Variants in PCDH12 observed in about 807,000 individuals in gnomAD.
PCDH12 encodes the protein protocadherin 12.
PCDH12 carries 45 observed loss-of-function variants against 70.9 expected under a neutral mutation model. That is an observed-to-expected ratio of 0.63 (90% confidence interval 0.50 to 0.81). The LOEUF is 0.81. Among genes scored for constraint, PCDH12 ranks in the 40% least tolerant of loss-of-function variants. The pLI, the probability that PCDH12 is intolerant of heterozygous loss-of-function variation, is 0.00. For missense variants in PCDH12, 1,370 were observed against 1,491.7 expected (o/e 0.92, Z 1.34); for synonymous variants, 567 against 626.0 (o/e 0.91, Z 1.41).
At position 141,956,220 on chromosome 5, in the gene PCDH12, C is replaced by T; in HGVS notation, c.1632G>A (p.Met544Ile). Residue 544 changes from methionine to isoleucine, a missense_variant, in exon 1 of 4, where the codon ATG becomes ATA. By Grantham distance (10) the Met-to-Ile change is conservative. Transcript: ENST00000231484. ...CCCACACAGAGACACTGGATGCAAGCATGGGTTGCCCGCTGTCCTCTGCGA... is the reference window on the plus strand; with the variant it reads ...CCCACACAGAGACACTGGATGCAAGTATGGGTTGCCCGCTGTCCTCTGCGA... ...QVIAEDSGQP[M>I]LASSVSVWVS... is the part of the protein sequence containing the mutation. The T allele has an allele frequency of 6.2e-7, 1 of 1,614,224 alleles. No individual in the cohort carries two copies. Among genetic ancestry groups the T allele is most frequent in the Non-Finnish European group, 8.5e-7 (1 of 1,180,034 alleles).
intron 1 of PCDH12, among the ~76,000 whole-genome samples, chr5:141,954,426 T>C (rs981569757): frequency 1.3e-5 from 2 of 152,246 alleles, no homozygotes; most frequent in Non-Finnish European, 2.9e-5. Flanking sequence ...TGCTGAGTAC[T>C]GACTACATGT....
rs1402285198 is a variant in PCDH12, at chr5:141,945,329, C to G, written c.*52G>C. On this transcript the variant is annotated 3_prime_UTR_variant, in exon 4 of 4. Coordinates refer to ENST00000231484, the MANE Select transcript of PCDH12 (RefSeq NM_016580.4). ...CAAGATTTTAGAAACCAGCTCTTGT[C>G]CACAGATCCTCAGGCCCCTGGTTCT... 6.5e-7 allele frequency: 1 copy of G among 1,543,862 alleles called. No homozygotes were observed. Among genetic ancestry groups the G allele is most frequent in the Non-Finnish European group, 8.7e-7 (1 of 1,147,810 alleles).
rs114449118 is a variant in PCDH12, at chr5:141,956,117, C to T, written c.1735G>A (p.Val579Met). 4.4e-3 allele frequency: 7,132 copies of T among 1,614,184 alleles called. 27 individuals carry two copies. The highest frequency in any genetic ancestry group is 5.1e-3 in the Non-Finnish European group (5,987 of 1,180,038). Residue 579 changes from valine to methionine, a missense_variant, in exon 1 of 4, where the codon GTG becomes ATG. By Grantham distance (21) the Val-to-Met change is conservative. Coordinates refer to ENST00000231484, the MANE Select transcript of PCDH12 (RefSeq NM_016580.4). ...VLSDGKASLSVLVNASTGHLL... is the reference protein window; with the variant it reads ...VLSDGKASLSMLVNASTGHLL... ...TGGCCTGTGGAGGCATTCACAAGCACGGAGAGGCTGGCTTTTCCATCGCTG... is the reference window on the plus strand; with the variant it reads ...TGGCCTGTGGAGGCATTCACAAGCATGGAGAGGCTGGCTTTTCCATCGCTG...
At chr5:141,954,908 T>C (rs546412869) in intron 1 of PCDH12, 64 bp downstream of exon 1, 1 of 1,538,356 alleles carries the variant, frequency 6.5e-7, no homozygotes. Flanking sequence ...GTTATGGGGG[T>C]GTCTGATTCT....
intron 1 of PCDH12, among the ~76,000 whole-genome samples, chr5:141,953,531 G>A (rs1223423274): frequency 1.3e-5 from 2 of 152,222 alleles, no homozygotes; most frequent in Non-Finnish European, 2.9e-5. Context: ...GACTCTATGT[G>A]CTGCTGGAAA....
At chr5:141,945,857 G>T (rs1266574384) in intron 3 of PCDH12, 52 bp from the exon 4 acceptor site, 3 of 1,551,452 alleles carry the variant, frequency 1.9e-6, no homozygotes, top group Admixed American at 1.7e-5. Flanking sequence ...GAAGGGCCAG[G>T]CGGGTGAGGG....
In PCDH12 at chr5:141,955,348, G is replaced by C; in HGVS notation, c.2504C>G (p.Pro835Arg). ...TLRNQGNQGAPAESREVLQDT... is the reference protein window; with the variant it reads ...TLRNQGNQGARAESREVLQDT... ...TTGCAGCACCTCTCGGCTCTCCGCC[G>C]GTGCTCCCTGGTTGCCTTGATTACG... Residue 835 changes from proline (P) to arginine (R), a missense_variant, in exon 1 of 4, where the codon CCG becomes CGG. Coordinates refer to ENST00000231484, the MANE Select transcript of PCDH12 (RefSeq NM_016580.4). The surrounding 1 kb of genome is among the most constrained non-coding windows in gnomAD (Gnocchi z 5.5). The C allele has an allele frequency of 1.2e-6, 2 of 1,614,132 alleles. No homozygotes were observed. Among genetic ancestry groups the C allele is most frequent in the Non-Finnish European group, 1.7e-6 (2 of 1,180,032 alleles).
intron 3 of PCDH12, among the ~76,000 whole-genome samples, chr5:141,948,963 C>T (rs1176411354): frequency 6.6e-6 from 1 of 151,744 alleles, no homozygotes; most frequent in African/African-American, 2.4e-5. Context: ...CCTCTAATGC[C>T]AGCACTTTGG....
Position 141,957,699 on chromosome 5 carries a change from C to T in PCDH12, c.153G>A (p.Gln51=). 6.2e-7 allele frequency: 1 copy of T among 1,614,176 alleles called. No homozygotes were observed. Among genetic ancestry groups the T allele is most frequent in the Admixed American group, 1.7e-5 (1 of 60,036 alleles). The change falls in exon 1 of 4, where the codon CAG becomes CAA. Residue 51 remains glutamine, a synonymous_variant. Transcript: ENST00000231484. The surrounding 1 kb of genome is among the most constrained non-coding windows in gnomAD (Gnocchi z 4.3). ...PSGTVIGKLS[Q]ELGREERRRQ... ...TCCGCCTCTCCTCCCGGCCCAGTTC[C>T]TGGGACAGCTTCCCGATCACTGTAC...
In PCDH12 at chr5:141,956,585, A is replaced by G; in HGVS notation, c.1267T>C (p.Trp423Arg). Reference sequence around the variant, plus strand: ...AACAGAGTGAGGGTATATTTGGGCCACTGCTCTCTGTCCAGTGTGGCATTG... The same window carrying G: ...AACAGAGTGAGGGTATATTTGGGCCGCTGCTCTCTGTCCAGTGTGGCATTG... ...LTNATLDREQWPKYTLTLLAQ... is the reference protein window; with the variant it reads ...LTNATLDREQRPKYTLTLLAQ... Residue 423 changes from tryptophan to arginine, a missense_variant, in exon 1 of 4, where the codon TGG becomes CGG. Physicochemically the swap from Trp to Arg is moderately radical, Grantham distance 101 (BLOSUM62 -3). Transcript: ENST00000231484. 6.2e-7 allele frequency: 1 copy of G among 1,614,230 alleles called. No homozygotes were observed. The highest frequency in any genetic ancestry group is 8.5e-7 in the Non-Finnish European group (1 of 1,180,042).
chr5:141,952,056 C>A (rs1753094818), intron 1 of PCDH12, among the ~76,000 whole-genome samples: 1 of 152,200 alleles, frequency 6.6e-6, no homozygotes, highest in Non-Finnish European at 1.5e-5. Flanking sequence ...TTGAATTATT[C>A]ATTTATTCAT....
In PCDH12 at chr5:141,957,815, C is replaced by A. The variant is rs750804892; in HGVS notation, c.37G>T (p.Gly13Trp). 1.2e-5 allele frequency: 20 copies of A among 1,601,692 alleles called. No individual in the cohort carries two copies. Among genetic ancestry groups the A allele is most frequent in the African/African-American group, 2.7e-5 (2 of 74,914 alleles). Reference protein sequence around the residue: ...QLLQLLLGLLGPGGYLFLLGD... With the variant: ...QLLQLLLGLLWPGGYLFLLGD... The stretch of plus-strand genomic sequence containing the variant: ...AAAAGAAATAAGTAGCCACCTGGCC[C>A]CAAAAGCCCCAGCAGAAGTTGCAGA... Residue 13 changes from glycine to tryptophan, a missense_variant, in exon 1 of 4, where the codon GGG becomes TGG. By Grantham distance (184) the Gly-to-Trp change is radical. Coordinates refer to ENST00000231484, the MANE Select transcript of PCDH12 (RefSeq NM_016580.4). The surrounding 1 kb of genome is among the most constrained non-coding windows in gnomAD (Gnocchi z 4.3).
rs751407981 is a variant in PCDH12, at chr5:141,945,666, G to A, written c.3270C>T (p.Phe1090=). The A allele has an allele frequency of 5.0e-6, 8 of 1,614,078 alleles. No individual in the cohort carries two copies. The highest frequency in any genetic ancestry group is 2.2e-5 in the East Asian group (1 of 44,894). The change falls in exon 4 of 4, where the codon TTC becomes TTT. Residue 1090 remains phenylalanine (F), a synonymous_variant. Transcript: ENST00000231484. The part of the protein sequence containing the change: ...ATEEPRTFQT[F]GKAEAPELSP... ...TCAGCTCTGGTGCCTCTGCCTTGCC[G>A]AACGTCTGGAAGGTCCTTGGCTCCT...
Position 141,943,589 on chromosome 5 carries a change from A to T in PCDH12, c.*1792T>A, listed in dbSNP as rs1752827607. ...TACCTGGAGCTCCAATATGGATAAA[A>T]GGGGCCTCTGAAGCATTTATTGACA... On this transcript the variant is annotated 3_prime_UTR_variant, in exon 4 of 4. Coordinates refer to ENST00000231484, the MANE Select transcript of PCDH12 (RefSeq NM_016580.4). The T allele has an allele frequency of 6.6e-6, 1 of 152,234 alleles. No homozygotes were observed. Among genetic ancestry groups the T allele is most frequent in the South Asian group, 2.1e-4 (1 of 4,834 alleles). 9.4% of individuals were successfully genotyped at this position (152,234 alleles called of 1,614,324 possible). A position where few individuals can be genotyped will look rare whatever the true frequency, so the allele number is the denominator to read the frequency against.
Position 141,957,612 on chromosome 5 carries a change from G to C in PCDH12, c.240C>G (p.Asp80Glu), listed in dbSNP as rs138689340. The change falls in exon 1 of 4, where the codon GAC becomes GAG. Residue 80 changes from aspartate to glutamate, a missense_variant. Transcript: ENST00000231484. The surrounding 1 kb of genome is among the most constrained non-coding windows in gnomAD (Gnocchi z 4.3). ...QLPQALPIQV[D>E]SEEGLLSTGR... is the part of the protein sequence containing the mutation. ...CTGTGCTGAGCAAGCCTTCCTCAGA[G>C]TCCACCTGAATGGGGAGCGCCTGAG... 21,233 of 1,614,188 alleles carry C rather than the reference G, an allele frequency of 0.013. 205 individuals carry two copies. Among genetic ancestry groups the C allele is most frequent in the Middle Eastern group, 0.024 (144 of 6,062 alleles).
rs916655339 is a variant in PCDH12 at position 141,955,486 on chromosome 5, C to T, written c.2366G>A (p.Cys789Tyr). ...PVLRGQAGEP[C>Y]EVGQSHKDVD... Reference sequence around the variant, plus strand: ...ATCTTTGTGGGACTGCCCGACTTCACAAGGCTCACCTGCCTGACCCCTGAG... The same window carrying T: ...ATCTTTGTGGGACTGCCCGACTTCATAAGGCTCACCTGCCTGACCCCTGAG... The change falls in exon 1 of 4, where the codon TGT (cysteine) becomes TAT (tyrosine). Residue 789 changes from cysteine to tyrosine, a missense_variant. By Grantham distance (194) the Cys-to-Tyr change is radical. Coordinates refer to ENST00000231484, the MANE Select transcript of PCDH12 (RefSeq NM_016580.4). The surrounding 1 kb of genome is among the most constrained non-coding windows in gnomAD (Gnocchi z 5.5). 6.2e-7 allele frequency: 1 copy of T among 1,614,158 alleles called. No homozygotes were observed. The highest frequency in any genetic ancestry group is 8.5e-7 in the Non-Finnish European group (1 of 1,180,016).
chr5:141,947,880 C>T (rs1752979848), intron 3 of PCDH12, among the ~76,000 whole-genome samples: 1 of 152,126 alleles, frequency 6.6e-6, no homozygotes, highest in African/African-American at 2.4e-5. Context: ...CCCCTGTGTT[C>T]AGTACCCTTT....
At position 141,955,317 on chromosome 5, in the gene PCDH12, C is replaced by G. The variant is rs779793170; in HGVS notation, c.2535G>C (p.Thr845=). ...PAESREVLQD[T]VNLLFNHPRQ... is the part of the protein sequence containing the mutation. Reference sequence around the variant, plus strand: ...TGGGATGGTTGAAAAGGAGGTTGACCGTGTCTTGCAGCACCTCTCGGCTCT... The same window carrying G: ...TGGGATGGTTGAAAAGGAGGTTGACGGTGTCTTGCAGCACCTCTCGGCTCT... The change falls in exon 1 of 4, where the codon ACG becomes ACC. Residue 845 remains threonine (T), a synonymous_variant. Transcript: ENST00000231484. The surrounding 1 kb of genome is among the most constrained non-coding windows in gnomAD (Gnocchi z 5.5). 1.7e-5 allele frequency: 27 copies of G among 1,614,058 alleles called. No individual in the cohort carries two copies. The highest frequency in any genetic ancestry group is 2.2e-5 in the East Asian group (1 of 44,884).
At chr5:141,946,569 C>T (rs1375098746) in intron 3 of PCDH12, among the ~76,000 whole-genome samples, 1 of 152,152 alleles carries the variant, frequency 6.6e-6, no homozygotes, top group East Asian at 1.9e-4. Flanking sequence ...CTAAGGTCTG[C>T]ACTGTTACCA....
Sources: allele counts gnomAD v4.1 joint callset (sites outside exome capture counted in the v4.1 genomes callset), GRCh38; gene constraint gnomAD v4.1.1; non-coding constraint Gnocchi (gnomAD v3.1); transcripts MANE v1.5; gene names NCBI Gene and HGNC (gene_info 2026-07-23, HGNC 2026-07-21).